The following GARIN1B variants were observed in gnomAD, a reference collection of about 807,000 sequenced individuals.
The protein encoded by GARIN1B is golgi associated RAB2 interactor 1B.
chr7:128,713,048 G>A, the GARIN1B span, among the ~76,000 whole-genome samples: 1 of 152,180 alleles, frequency 6.6e-6, no homozygotes. Context: ...GCTCAGGCCT[G>A]TAATCCAGCA....
At chr7:128,729,752 C>T in the GARIN1B span, 1 of 792,838 alleles carries the variant, frequency 1.3e-6, no homozygotes, top group Non-Finnish European at 2.0e-6. Flanking sequence ...TCTCTGACCT[C>T]ACAGAGGTGA....
the GARIN1B span, chr7:128,730,172 G>T: frequency 7.5e-7 from 1 of 1,340,306 alleles, no homozygotes; most frequent in Non-Finnish European, 1.0e-6. Context: ...CCAGAAAGTT[G>T]TGGGGTGTGG....
chr7:128,726,948 C>G, the GARIN1B span: 5 of 1,349,462 alleles, frequency 3.7e-6, no homozygotes, highest in South Asian at 6.1e-5. Context: ...CTCCAGCCCC[C>G]ATCCTGGTTG....
chr7:128,730,198 C>T, the GARIN1B span: 197 of 1,073,300 alleles, frequency 1.8e-4, 3 homozygotes, highest in Non-Finnish European at 8.7e-5. Flanking sequence ...GAATGCTGGC[C>T]ACAGAGACCT....
At chr7:128,723,551 G>GTAT in the GARIN1B span, 2 of 199,752 alleles carry the variant, frequency 1.0e-5, no homozygotes, top group East Asian at 1.2e-4. Flanking sequence ...TCACTATCCA[G>GTAT]TCTTTTTTTT....
At chr7:128,716,710 T>C in the GARIN1B span, 343 of 981,098 alleles carry the variant, frequency 3.5e-4, 2 homozygotes, top group African/African-American at 5.2e-3. Flanking sequence ...ACAAAGAATA[T>C]CCAACCCAAA....
the GARIN1B span, among the ~76,000 whole-genome samples, chr7:128,722,633 G>A: frequency 2.6e-5 from 4 of 151,820 alleles, no homozygotes; most frequent in African/African-American, 4.8e-5. Context: ...GTGAAACCCC[G>A]TCTCTACTAA....
At chr7:128,716,424 T>A in the GARIN1B span, among the ~76,000 whole-genome samples, 2 of 152,112 alleles carry the variant, frequency 1.3e-5, no homozygotes, top group Non-Finnish European at 2.9e-5. Flanking sequence ...TTGGCAGAAA[T>A]GACAGATGGC....
At chr7:128,715,731 G>A in the GARIN1B span, 50 of 1,524,464 alleles carry the variant, frequency 3.3e-5, no homozygotes, top group Admixed American at 3.2e-4. Flanking sequence ...TTGATTCTTC[G>A]AAACCTGTTC....
the GARIN1B span, among the ~76,000 whole-genome samples, chr7:128,728,209 C>T: frequency 6.6e-6 from 1 of 152,030 alleles, no homozygotes; most frequent in Non-Finnish European, 1.5e-5. Flanking sequence ...TTTGGGAGGC[C>T]GAGGTGGATG....
chr7:128,715,165 C>T, the GARIN1B span: 6 of 816,774 alleles, frequency 7.3e-6, no homozygotes, highest in Admixed American at 3.7e-4. Context: ...GCCTGGCTCA[C>T]TGCTTTCTCA....
the GARIN1B span, chr7:128,731,094 T>G: frequency 6.8e-6 from 11 of 1,611,564 alleles, no homozygotes; most frequent in African/African-American, 1.3e-5. Flanking sequence ...TCTCCTACAC[T>G]CACAGGAAAT....
chr7:128,720,069 A>G, the GARIN1B span, among the ~76,000 whole-genome samples: 1 of 152,144 alleles, frequency 6.6e-6, no homozygotes, highest in Non-Finnish European at 1.5e-5. Context: ...TCTGGATACA[A>G]GTTCTTCATC....
At chr7:128,723,085 G>A in the GARIN1B span, 1 of 1,322,024 alleles carries the variant, frequency 7.6e-7, no homozygotes, top group Non-Finnish European at 1.0e-6. Context: ...TGGTGTGGCT[G>A]CACTTTGGAA....
At chr7:128,726,243 AT>A in the GARIN1B span, among the ~76,000 whole-genome samples, 2 of 152,230 alleles carry the variant, frequency 1.3e-5, no homozygotes, top group Non-Finnish European at 2.9e-5. Flanking sequence ...CTGACAGTTA[AT>A]TTGAAGGGAA....
chr7:128,731,105 T>C, the GARIN1B span: 1 of 1,611,972 alleles, frequency 6.2e-7, no homozygotes, highest in African/African-American at 1.3e-5. Context: ...CACAGGAAAT[T>C]CTATTTGAGC....
the GARIN1B span, among the ~76,000 whole-genome samples, chr7:128,712,253 C>G: frequency 6.6e-6 from 1 of 152,166 alleles, no homozygotes; most frequent in Non-Finnish European, 1.5e-5. Context: ...AATTTTGTAT[C>G]ATACTTTTGT....
chr7:128,721,035 T>G, the GARIN1B span, among the ~76,000 whole-genome samples: 3 of 152,232 alleles, frequency 2.0e-5, no homozygotes, highest in Non-Finnish European at 2.9e-5. Flanking sequence ...CATGTTGAAT[T>G]TATACATCAC....
the GARIN1B span, among the ~76,000 whole-genome samples, chr7:128,722,638 T>C: frequency 6.6e-6 from 1 of 151,858 alleles, no homozygotes; most frequent in African/African-American, 2.4e-5. Context: ...ACCCCGTCTC[T>C]ACTAAAAATA....
Sources: gnomAD v4.1 joint callset for allele counts (sites outside exome capture counted in the v4.1 genomes callset) on GRCh38, gnomAD v4.1.1 for gene constraint, MANE v1.5 for transcripts, NCBI Gene and HGNC (gene_info 2026-07-23, HGNC 2026-07-21) for gene names.